The following SLC1A3 variants were observed in gnomAD, a reference collection of about 807,000 sequenced individuals.
SLC1A3 encodes the protein excitatory amino acid transporter 1.
Under a neutral mutation model 48.1 loss-of-function variants are expected in SLC1A3, and 21 were observed. The ratio of observed to expected loss-of-function variants is 0.44; its 90% CI spans 0.31 to 0.63. The LOEUF (loss-of-function observed/expected upper bound fraction) is 0.63. SLC1A3 is among the 20% of genes least tolerant of loss of function. The pLI, the probability that SLC1A3 is intolerant of heterozygous loss-of-function variation, is 0.08. For synonymous variants in SLC1A3, 239 were observed against 251.4 expected, an observed-to-expected ratio of 0.95 and a Z score of 0.47; for missense variants, 546 against 689.0, an observed-to-expected ratio of 0.79 and a Z score of 2.32.
chr5:36,671,048 T>C lies in SLC1A3; in HGVS notation c.339T>C (p.Ser113=). The C allele has an allele frequency of 6.2e-7, 1 of 1,613,960 alleles. No individual in the cohort carries two copies. The part of the protein sequence containing the change: ...SLVTGMAALD[S]KASGKMGMRA... ...CACCAGGAATGGCGGCGCTAGATAG[T>C]AAGGCATCAGGGAAGATGGGAATGC... Residue 113 remains serine (S), a synonymous_variant, in exon 4 of 10, where the codon AGT becomes AGC. Transcript: ENST00000265113.
At chr5:36,647,950 G>A (rs1285222538) in intron 3 of SLC1A3, among the ~76,000 whole-genome samples, 2 of 152,114 alleles carry the variant, frequency 1.3e-5, no homozygotes, top group African/African-American at 2.4e-5. Flanking sequence ...ATTGGGAGGA[G>A]ACTAAAATCA....
At position 36,608,517 on chromosome 5, in the gene SLC1A3, A is replaced by G; in HGVS notation, c.94A>G (p.Lys32Glu). The G allele has an allele frequency of 1.2e-6, 2 of 1,614,118 alleles. No homozygotes were observed. Among genetic ancestry groups the G allele is most frequent in the Non-Finnish European group, 1.7e-6 (2 of 1,179,950 alleles). The change falls in exon 2 of 10, where the codon AAA becomes GAA. Residue 32 changes from lysine to glutamate, a missense_variant. Coordinates refer to ENST00000265113, the MANE Select transcript of SLC1A3 (RefSeq NM_004172.5). ...TAAACGCACACTTTTGGCCAAGAAG[A>G]AAGTGCAGAACATTACAAAGGAGGA... Reference protein sequence around the residue: ...VRKRTLLAKKKVQNITKEDVK... With the variant: ...VRKRTLLAKKEVQNITKEDVK...
intron 2 of SLC1A3, among the ~76,000 whole-genome samples, chr5:36,610,969 A>T (rs974139530): frequency 8.5e-5 from 13 of 152,326 alleles, no homozygotes; most frequent in African/African-American, 3.1e-4. Flanking sequence ...CAAATAGACA[A>T]CTTAGGAGCA....
At chr5:36,671,449 T>C (rs1022541395) in intron 4 of SLC1A3, among the ~76,000 whole-genome samples, 1 of 152,188 alleles carries the variant, frequency 6.6e-6, no homozygotes. Context: ...GGAGAGGATA[T>C]GGATTTTGAG....
chr5:36,641,183 ATT>A (rs1213526066), intron 3 of SLC1A3, among the ~76,000 whole-genome samples: 1 of 152,178 alleles, frequency 6.6e-6, no homozygotes, highest in Non-Finnish European at 1.5e-5. Context: ...ATGCTGTGAA[ATT>A]TGGGGACAAA....
intron 3 of SLC1A3, chr5:36,668,418 G>T (rs1377541012): frequency 6.6e-6 from 1 of 152,240 alleles, no homozygotes; most frequent in African/African-American, 2.4e-5. Context: ...TGATGACAGT[G>T]TACTGCCTTG....
intron 4 of SLC1A3, among the ~76,000 whole-genome samples, chr5:36,672,434 T>G (rs1188165774): frequency 6.6e-6 from 1 of 152,154 alleles, no homozygotes; most frequent in Non-Finnish European, 1.5e-5. Context: ...TCCCCCACTG[T>G]TTAGTCCCTC....
chr5:36,679,053 C>G (rs1742326533), intron 6 of SLC1A3, among the ~76,000 whole-genome samples: 1 of 152,100 alleles, frequency 6.6e-6, no homozygotes, highest in African/African-American at 2.4e-5. Flanking sequence ...TATGGAAAGG[C>G]AATAATAAAA....
upstream of SLC1A3, among the ~76,000 whole-genome samples, chr5:36,602,820 A>G (rs1277486988): frequency 6.6e-6 from 1 of 152,124 alleles, no homozygotes; most frequent in Non-Finnish European, 1.5e-5. Flanking sequence ...AGAGGTCAAA[A>G]CAGAAGAACT....
chr5:36,650,224 G>C (rs1052838179), intron 3 of SLC1A3, among the ~76,000 whole-genome samples: 10 of 152,294 alleles, frequency 6.6e-5, no homozygotes, highest in Admixed American at 3.9e-4. Context: ...CTGAATACAG[G>C]ATAGGGATTG....
At chr5:36,620,383 C>G (rs1739614014) in intron 2 of SLC1A3, among the ~76,000 whole-genome samples, 1 of 152,186 alleles carries the variant, frequency 6.6e-6, no homozygotes, top group Admixed American at 6.5e-5. Context: ...GAAAGCTAAG[C>G]CTATGAGAAA....
chr5:36,603,155 C>T (rs1179122470), upstream of SLC1A3, among the ~76,000 whole-genome samples: 3 of 152,186 alleles, frequency 2.0e-5, no homozygotes, highest in Non-Finnish European at 4.4e-5. Flanking sequence ...GTTGTAAATT[C>T]GGCCCCTACT....
chr5:36,641,838 A>C (rs917356326), intron 3 of SLC1A3, among the ~76,000 whole-genome samples: 1 of 152,220 alleles, frequency 6.6e-6, no homozygotes, highest in African/African-American at 2.4e-5. Context: ...ATAAAGTAGG[A>C]GCACACTTAC....
Position 36,680,484 on chromosome 5 carries a change from C to T in SLC1A3, c.1184C>T (p.Ala395Val). Residue 395 changes from alanine (A) to valine (V), a missense_variant, in exon 8 of 10, where the codon GCC becomes GTC. Ala to Val is a moderately conservative substitution (Grantham distance 64). This residue lies in a region of SLC1A3 where 142 missense variants were observed against 238.0 expected (regional missense o/e 0.60). Transcript: ENST00000265113. ...ACCAGATTCGTGCTCCCCGTAGGAG[C>T]CACCATTAACATGGATGGGACTGCC... ...RVTRFVLPVG[A>V]TINMDGTALY... 1 of 1,614,136 alleles carries T rather than the reference C, an allele frequency of 6.2e-7. No homozygotes were observed. The highest frequency in any genetic ancestry group is 1.1e-5 in the South Asian group (1 of 91,092).
intron 3 of SLC1A3, among the ~76,000 whole-genome samples, chr5:36,637,578 A>G (rs1187859923): frequency 2.0e-5 from 3 of 152,230 alleles, no homozygotes; most frequent in African/African-American, 4.8e-5. Context: ...AGGAAAAATA[A>G]GATTTTCCAC....
chr5:36,653,963 C>T (rs544250167), intron 3 of SLC1A3, among the ~76,000 whole-genome samples: 1 of 152,332 alleles, frequency 6.6e-6, no homozygotes, highest in Admixed American at 6.5e-5. Flanking sequence ...CCTGCCTCAG[C>T]CTCCTGAGTA....
At chr5:36,599,508 C>CTTTTTTTTTTTTTTTTT (rs1176214248) in intron 1 of SLC1A3, among the ~76,000 whole-genome samples, 5 of 78,286 alleles carry the variant, frequency 6.4e-5, no homozygotes, top group South Asian at 5.9e-4. Context: ...TACGGTTGAA[C>CTTTTTTTTTTTTTTTTT]TTTTTTTTTT....
At chr5:36,648,582 G>A (rs941902514) in intron 3 of SLC1A3, among the ~76,000 whole-genome samples, 1 of 152,088 alleles carries the variant, frequency 6.6e-6, no homozygotes, top group Non-Finnish European at 1.5e-5. Context: ...CTGTGTTCTT[G>A]TAGGATAACC....
At chr5:36,679,142 A>C (rs1742329476) in intron 6 of SLC1A3, among the ~76,000 whole-genome samples, 1 of 152,146 alleles carries the variant, frequency 6.6e-6, no homozygotes, top group South Asian at 2.1e-4. Context: ...TAACTTGGGA[A>C]TCAGGCTCTG....
Sources: allele counts gnomAD v4.1 joint callset (sites outside exome capture counted in the v4.1 genomes callset), GRCh38; gene constraint gnomAD v4.1.1; regional missense constraint gnomAD v4.1.1; transcripts MANE v1.5; gene names NCBI Gene and HGNC (gene_info 2026-07-23, HGNC 2026-07-21).